Variants in PROX1 observed in about 807,000 individuals in gnomAD.
PROX1 encodes the protein prospero homeobox 1, also known as prospero homeobox protein 1.
PROX1 carries 7 observed loss-of-function variants against 58.8 expected under a neutral mutation model. That is an observed-to-expected ratio of 0.12 (90% CI 0.07 to 0.22). PROX1 has a LOEUF of 0.22. Among genes scored for constraint, PROX1 ranks in the 10% least tolerant of loss-of-function variants. The pLI is 1.00. For missense variants in PROX1, 675 were observed against 927.8 expected (o/e 0.73, Z 3.54); for synonymous variants, 350 against 358.3 (o/e 0.98, Z 0.26).
chr1:213,997,437 A>G lies in PROX1; in HGVS notation c.902A>G (p.Glu301Gly), dbSNP rs141960216. 695 of 1,614,152 alleles carry G rather than the reference A, an allele frequency of 4.3e-4. No homozygotes were observed. Among genetic ancestry groups the G allele is most frequent in the Non-Finnish European group, 5.6e-4 (662 of 1,180,040 alleles). ...SVGRSDNEMC[E>G]LDPGQFIDRA... is the part of the protein sequence containing the mutation. ...GGAAGGTCAGATAATGAGATGTGCG[A>G]GCTAGACCCAGGACAGTTTATTGAC... Residue 301 changes from glutamate to glycine, a missense_variant, in exon 2 of 5, where the codon GAG becomes GGG. Transcript: ENST00000366958. The surrounding 1 kb of genome is among the most constrained non-coding windows in gnomAD (Gnocchi z 7.1).
Position 214,040,408 on chromosome 1 carries a change from C to T in PROX1, c.*4574C>T, listed in dbSNP as rs1664971674. ...AAGCAGAAAAGGCAAACAAGCTTAC[C>T]TTCTTTTGTGAAAACGTATTCATTC... On this transcript the variant is annotated 3_prime_UTR_variant, in exon 5 of 5. Transcript: ENST00000366958. 6.6e-6 allele frequency: 1 copy of T among 152,010 alleles called. No homozygotes were observed. 9.4% of individuals were successfully genotyped at this position (152,010 alleles called of 1,614,324 possible). A position where few individuals can be genotyped will look rare whatever the true frequency, so the allele number is the denominator to read the frequency against.
At chr1:214,021,694 A>G (rs1449263189) in intron 4 of PROX1, among the ~76,000 whole-genome samples, 2 of 152,214 alleles carry the variant, frequency 1.3e-5, no homozygotes, top group Non-Finnish European at 2.9e-5. Context: ...GATTACCCCA[A>G]AAGTTTATCC....
At position 213,997,147 on chromosome 1, in the gene PROX1, C is replaced by T; in HGVS notation, c.612C>T (p.Tyr204=). 1 of 1,613,356 alleles carries T rather than the reference C, an allele frequency of 6.2e-7. No individual in the cohort carries two copies. Among genetic ancestry groups the T allele is most frequent in the African/African-American group, 1.3e-5 (1 of 74,866 alleles). ...AGTCTGTGAGTCCCCGAGAAAGTTACAGAGAAAACAAACGCAAGCAAAAGC... is the reference window on the plus strand; with the variant it reads ...AGTCTGTGAGTCCCCGAGAAAGTTATAGAGAAAACAAACGCAAGCAAAAGC... ...APQSVSPRES[Y]RENKRKQKLP... is the part of the protein sequence containing the mutation. The change falls in exon 2 of 5, where the codon TAC becomes TAT. Residue 204 remains tyrosine (Y), a synonymous_variant. Coordinates refer to ENST00000366958, the MANE Select transcript of PROX1 (RefSeq NM_001270616.2). The surrounding 1 kb of genome is among the most constrained non-coding windows in gnomAD (Gnocchi z 7.1).
chr1:213,996,974 C>T lies in PROX1; in HGVS notation c.439C>T (p.Pro147Ser). ...AGAGTGTCTTTCCCCTTTTGGCAGGCCTACTATGAGCCAGTTTGATATGGA... is the reference window on the plus strand; with the variant it reads ...AGAGTGTCTTTCCCCTTTTGGCAGGTCTACTATGAGCCAGTTTGATATGGA... ...PPECLSPFGR[P>S]TMSQFDMDRL... The change falls in exon 2 of 5, where the codon CCT (proline) becomes TCT (serine). Residue 147 changes from proline to serine, a missense_variant. Coordinates refer to ENST00000366958, the MANE Select transcript of PROX1 (RefSeq NM_001270616.2). 1 of 1,614,044 alleles carries T rather than the reference C, an allele frequency of 6.2e-7. No homozygotes were observed. Among genetic ancestry groups the T allele is most frequent in the Non-Finnish European group, 8.5e-7 (1 of 1,180,034 alleles).
At chr1:214,027,604 C>A (rs768830189) in intron 4 of PROX1, among the ~76,000 whole-genome samples, 3 of 152,096 alleles carry the variant, frequency 2.0e-5, no homozygotes, top group South Asian at 2.1e-4. Context: ...GTATGTTTAT[C>A]CAGCTTTGTA....
chr1:214,012,528 A>T (rs961836880), intron 4 of PROX1, among the ~76,000 whole-genome samples: 9 of 152,230 alleles, frequency 5.9e-5, no homozygotes, highest in Non-Finnish European at 1.0e-4. Context: ...TTTTCATCAC[A>T]ACGTGATGAC....
intron 3 of PROX1, among the ~76,000 whole-genome samples, chr1:214,007,093 G>T (rs1367267849): frequency 6.6e-6 from 1 of 152,168 alleles, no homozygotes; most frequent in African/African-American, 2.4e-5. Flanking sequence ...GGTGGCAAGT[G>T]GGGAAGATTA....
At chr1:214,027,566 A>T (rs1259741705) in intron 4 of PROX1, among the ~76,000 whole-genome samples, 3 of 152,150 alleles carry the variant, frequency 2.0e-5, no homozygotes, top group African/African-American at 2.4e-5. Flanking sequence ...AGCCAAGTCA[A>T]TTCTAAACCA....
intron 3 of PROX1, among the ~76,000 whole-genome samples, chr1:214,005,873 C>T (rs990209118): frequency 6.6e-6 from 1 of 152,024 alleles, no homozygotes; most frequent in Non-Finnish European, 1.5e-5. Flanking sequence ...TGAAAGCTGT[C>T]GGCCTACAGC....
intron 2 of PROX1, among the ~76,000 whole-genome samples, chr1:213,999,964 T>C (rs1357597287): frequency 6.6e-6 from 1 of 152,102 alleles, no homozygotes; most frequent in Non-Finnish European, 1.5e-5. Flanking sequence ...TAAGACCCCA[T>C]TGCACCCCAG....
chr1:213,990,148 AAAG>A, intron 1 of PROX1, among the ~76,000 whole-genome samples: 1 of 150,180 alleles, frequency 6.7e-6, no homozygotes, highest in Non-Finnish European at 1.5e-5. Flanking sequence ...AAAAAAAAAA[AAAG>A]AAAGAAAAGA....
intron 4 of PROX1, among the ~76,000 whole-genome samples, chr1:214,012,894 G>T (rs767707322): frequency 6.6e-5 from 10 of 152,038 alleles, no homozygotes; most frequent in African/African-American, 4.8e-5. Flanking sequence ...GTCAATTAAG[G>T]GGTCTGACCC....
In PROX1 at chr1:213,996,574, A is replaced by G. The variant is rs1189183934; in HGVS notation, c.39A>G (p.Gln13=). 7.4e-6 allele frequency: 12 copies of G among 1,614,054 alleles called. No individual in the cohort carries two copies. The highest frequency in any genetic ancestry group is 1.3e-5 in the African/African-American group (1 of 74,914). The part of the protein sequence containing the change: ...DHDSTALLSR[Q]TKRRRVDIGV... ...ACAGCACAGCCCTCTTAAGCCGGCA[A>G]ACCAAGAGGAGAAGAGTTGACATTG... Residue 13 remains glutamine, a synonymous_variant, in exon 2 of 5, where the codon CAA becomes CAG. Coordinates refer to ENST00000366958, the MANE Select transcript of PROX1 (RefSeq NM_001270616.2).
intron 4 of PROX1, among the ~76,000 whole-genome samples, chr1:214,031,210 A>T (rs968993522): frequency 6.6e-6 from 1 of 152,116 alleles, no homozygotes; most frequent in Non-Finnish European, 1.5e-5. Flanking sequence ...TCTGTGATGA[A>T]ATTGGTAGAA....
intron 3 of PROX1, among the ~76,000 whole-genome samples, chr1:214,006,834 A>G (rs1663731757): frequency 6.6e-6 from 1 of 152,116 alleles, no homozygotes; most frequent in South Asian, 2.1e-4. Flanking sequence ...TAGGGCAATG[A>G]TCTTCAGTGT....
At chr1:213,999,186 G>C (rs375155351) in intron 2 of PROX1, among the ~76,000 whole-genome samples, 2 of 152,062 alleles carry the variant, frequency 1.3e-5, no homozygotes, top group South Asian at 4.2e-4. Context: ...GGCCTATCCC[G>C]AACTCCAGCT....
At chr1:214,033,940 T>C (rs1664746885) in intron 4 of PROX1, among the ~76,000 whole-genome samples, 2 of 152,000 alleles carry the variant, frequency 1.3e-5, no homozygotes, top group Admixed American at 1.3e-4. Flanking sequence ...GCCCTTGAGG[T>C]GTATGGGTTT....
intron 4 of PROX1, chr1:214,028,914 T>G (rs770101187): frequency 3.3e-5 from 5 of 152,204 alleles, no homozygotes; most frequent in Non-Finnish European, 7.3e-5. Flanking sequence ...GCAGGAGAGT[T>G]TAGTGTGAGT....
At chr1:214,022,612 GAGA>G (rs1664320206) in intron 4 of PROX1, among the ~76,000 whole-genome samples, 1 of 152,226 alleles carries the variant, frequency 6.6e-6, no homozygotes. Flanking sequence ...CGTTCCAGAT[GAGA>G]AGGACACGAT....
Sources: allele counts gnomAD v4.1 joint callset (sites outside exome capture counted in the v4.1 genomes callset), GRCh38; gene constraint gnomAD v4.1.1; non-coding constraint Gnocchi (gnomAD v3.1); transcripts MANE v1.5; gene names NCBI Gene and HGNC (gene_info 2026-07-23, HGNC 2026-07-21).